The following ZBTB7C variants were observed in gnomAD, a reference collection of about 807,000 sequenced individuals.
ZBTB7C encodes zinc finger and BTB domain containing 7C, also known as zinc finger and BTB domain-containing protein 7C.
ZBTB7C carries 8 observed loss-of-function variants against 25.7 expected under a neutral mutation model. The ratio of observed to expected loss-of-function variants is 0.31; its 90% confidence interval spans 0.18 to 0.56. The LOEUF (loss-of-function observed/expected upper bound fraction) is 0.56, where lower values mean the gene tolerates loss of function less well. Among genes scored for constraint, ZBTB7C ranks in the 20% least tolerant of loss-of-function variants. The probability of loss-of-function intolerance (pLI) is 0.91; values close to 1 mark genes in which losing one functional copy is unlikely to be tolerated. For missense variants in ZBTB7C, 824 were observed against 855.2 expected (o/e 0.96, Z 0.46); for synonymous variants, 394 against 369.0 (o/e 1.07, Z -0.78).
At chr18:48,372,628 AC>A (rs755803238) in intron 1 of ZBTB7C, among the ~76,000 whole-genome samples, 3 of 152,138 alleles carry the variant, frequency 2.0e-5, no homozygotes, top group Non-Finnish European at 4.4e-5. Flanking sequence ...TCAGAGTGGC[AC>A]CCCACTGCCC....
chr18:48,243,497 A>G (rs1002875295), intron 2 of ZBTB7C, among the ~76,000 whole-genome samples: 1 of 152,178 alleles, frequency 6.6e-6, no homozygotes, highest in Non-Finnish European at 1.5e-5. Flanking sequence ...AAGAAAAACT[A>G]CAAAACACTG....
intron 2 of ZBTB7C, among the ~76,000 whole-genome samples, chr18:48,207,391 T>C (rs2042599558): frequency 6.6e-6 from 1 of 152,122 alleles, no homozygotes; most frequent in Admixed American, 6.6e-5. Context: ...AAAGATAGTC[T>C]CAACCTAGAA....
chr18:48,267,298 T>A (rs1015229595), intron 2 of ZBTB7C, among the ~76,000 whole-genome samples: 1 of 152,206 alleles, frequency 6.6e-6, no homozygotes, highest in Admixed American at 6.5e-5. Context: ...TCATCCAGCA[T>A]CAGATAAGGC....
chr18:48,119,413 C>T (rs2039552086), intron 3 of ZBTB7C, among the ~76,000 whole-genome samples: 1 of 152,252 alleles, frequency 6.6e-6, no homozygotes, highest in Admixed American at 6.5e-5. Flanking sequence ...CTACTGCCAG[C>T]CCCATGCTCA....
intron 2 of ZBTB7C, among the ~76,000 whole-genome samples, chr18:48,258,625 T>C (rs2044085929): frequency 6.6e-6 from 1 of 152,202 alleles, no homozygotes; most frequent in Admixed American, 6.5e-5. Flanking sequence ...CAAATTGATC[T>C]GTAGATTCAA....
chr18:48,319,112 C>CTGTGTGTGTGTGTGTGTGTGTGTG (rs143825394), intron 2 of ZBTB7C, among the ~76,000 whole-genome samples: 24 of 147,456 alleles, frequency 1.6e-4, no homozygotes, highest in African/African-American at 5.7e-4. Context: ...CAGAATGCCT[C>CTGTGTGTGTGTGTGTGTGTGTGTG]TGTGTGTGTG....
chr18:48,367,372 A>ATATATATATAT (rs1555752154), intron 1 of ZBTB7C, among the ~76,000 whole-genome samples: 20 of 116,164 alleles, frequency 1.7e-4, no homozygotes, highest in African/African-American at 5.1e-4. Context: ...ATATATATAT[A>ATATATATATAT]AAATACAAAC....
At chr18:48,403,835 T>C (rs2048216769) in intron 1 of ZBTB7C, among the ~76,000 whole-genome samples, 1 of 150,970 alleles carries the variant, frequency 6.6e-6, no homozygotes, top group African/African-American at 2.4e-5. Context: ...ATAAAAAAAT[T>C]AAAATAAAAA....
In ZBTB7C at chr18:48,086,890, C is replaced by T. The variant is rs2038210567; in HGVS notation, c.-16-45767G>A. ...TGTGCTGGAGTGGGCCTTGTTATTC[C>T]CATTTTGCAAATATTAATAATAATA... On this transcript the variant is annotated intron_variant, in intron 3 of 4. Coordinates refer to ENST00000590800, the MANE Select transcript of ZBTB7C (RefSeq NM_001318841.2). Among the ~76,000 whole-genome samples the T allele has an allele frequency of 2.0e-5, 3 of 152,128 alleles. No individual in the cohort carries two copies. The South Asian group carries it at 6.2e-4, about 32-fold the overall frequency.
chr18:48,259,945 A>C (rs2044125170), intron 2 of ZBTB7C, among the ~76,000 whole-genome samples: 1 of 152,242 alleles, frequency 6.6e-6, no homozygotes, highest in African/African-American at 2.4e-5. Flanking sequence ...TTTGGTAAGT[A>C]GTTTGGCAGT....
rs1477344884 is a variant in ZBTB7C at position 48,367,198 on chromosome 18, TATATACACACACACACAC to T, written c.-303-28818_-303-28801del. Among the ~76,000 whole-genome samples, 178 of 60,960 alleles carry T rather than the reference TATATACACACACACACAC, an allele frequency of 2.9e-3. 5 individuals carry two copies. The highest frequency in any genetic ancestry group is 5.0e-3 in the Non-Finnish European group (156 of 31,342). 40.0% of individuals were successfully genotyped at this position (60,960 alleles called of 152,430 possible). A position where few individuals can be genotyped will look rare whatever the true frequency, so the allele number is the denominator to read the frequency against. Reference sequence around the variant, plus strand: ...TTTTATATATATATATATATATATATATATACACACACACACACACACACACACACACACATACATACA... The same window carrying T: ...TTTTATATATATATATATATATATATACACACACACACACACATACATACA... On this transcript the variant is annotated intron_variant, in intron 1 of 4. Transcript: ENST00000590800.
intron 2 of ZBTB7C, among the ~76,000 whole-genome samples, chr18:48,191,956 C>T (rs751438382): frequency 5.9e-5 from 9 of 152,184 alleles, no homozygotes; most frequent in Non-Finnish European, 1.3e-4. Flanking sequence ...ATTTACCAAA[C>T]GATCTGAAAA....
intron 2 of ZBTB7C, among the ~76,000 whole-genome samples, chr18:48,281,204 T>G (rs573304938): frequency 2.7e-4 from 41 of 152,114 alleles, no homozygotes; most frequent in African/African-American, 9.6e-4. Flanking sequence ...AAACAAGCAA[T>G]GGGGAAAGGA....
chr18:48,293,629 G>A (rs185325273), intron 2 of ZBTB7C, among the ~76,000 whole-genome samples: 85 of 152,264 alleles, frequency 5.6e-4, no homozygotes, highest in African/African-American at 2.0e-3. Flanking sequence ...AGACTGAACA[G>A]ACCAAGTATA....
At chr18:48,146,688 T>C (rs976021016) in intron 3 of ZBTB7C, among the ~76,000 whole-genome samples, 1 of 152,218 alleles carries the variant, frequency 6.6e-6, no homozygotes, top group African/African-American at 2.4e-5. Context: ...TTTCACCTTG[T>C]AAAAGGAGAT....
At chr18:48,032,832 A>C (rs1415658056) in intron 4 of ZBTB7C, among the ~76,000 whole-genome samples, 3 of 152,058 alleles carry the variant, frequency 2.0e-5, no homozygotes, top group Admixed American at 2.0e-4. Context: ...TAAATCTTCA[A>C]ATGCCTCCCA....
chr18:48,082,600 G>A (rs528360864), intron 3 of ZBTB7C, among the ~76,000 whole-genome samples: 6 of 152,252 alleles, frequency 3.9e-5, no homozygotes, highest in African/African-American at 1.4e-4. Flanking sequence ...ATATGTCTAT[G>A]TATTTTACCC....
intron 3 of ZBTB7C, among the ~76,000 whole-genome samples, chr18:48,057,250 T>C (rs2036956019): frequency 6.6e-6 from 1 of 152,164 alleles, no homozygotes; most frequent in Non-Finnish European, 1.5e-5. Flanking sequence ...TAGATATATA[T>C]CTTGCAATTT....
intron 2 of ZBTB7C, among the ~76,000 whole-genome samples, chr18:48,310,136 A>T (rs994713015): frequency 6.3e-4 from 96 of 152,144 alleles, no homozygotes; most frequent in African/African-American, 2.2e-3. Context: ...AGGCTGAGGC[A>T]GGAGAATGGC....
Sources: allele counts gnomAD v4.1 joint callset (sites outside exome capture counted in the v4.1 genomes callset), GRCh38; gene constraint gnomAD v4.1.1; transcripts MANE v1.5; gene names NCBI Gene and HGNC (gene_info 2026-07-23, HGNC 2026-07-21).